EYS: variants seen among roughly 807,000 people sequenced by gnomAD.
The protein encoded by EYS is EGF-like photoreceptor maintenance factor.
In EYS, 250 loss-of-function variants were observed where a neutral mutation model predicts 282.1. The observed-to-expected ratio is 0.89, with a 90% CI of 0.80 to 0.98. The LOEUF (loss-of-function observed/expected upper bound fraction) is 0.98, where lower values mean the gene tolerates loss of function less well. Ranked by LOEUF, EYS falls within the 50% of genes least tolerant of loss-of-function variation. The probability of loss-of-function intolerance (pLI) is 0.00; values close to 1 mark genes in which losing one functional copy is unlikely to be tolerated. For synonymous variants in EYS, 1,355 were observed against 1,282.9 expected, an observed-to-expected ratio of 1.06 and a Z score of -1.20; for missense variants, 4,016 against 3,709.0, an observed-to-expected ratio of 1.08 and a Z score of -2.15.
At chr6:65,660,906 C>T (rs965858163) in intron 1 of EYS, among the ~76,000 whole-genome samples, 9 of 151,762 alleles carry the variant, frequency 5.9e-5, no homozygotes, top group Non-Finnish European at 1.0e-4. Flanking sequence ...TGCTTTAATA[C>T]TCTACTATGT....
intron 5 of EYS, among the ~76,000 whole-genome samples, chr6:65,451,341 T>A (rs1342411899): frequency 6.6e-6 from 1 of 152,082 alleles, no homozygotes; most frequent in Non-Finnish European, 1.5e-5. Flanking sequence ...CACACACAAT[T>A]TTGACCATGC....
intron 23 of EYS, 43 bp downstream of exon 23, chr6:64,626,078 A>G (rs572051275): frequency 1.9e-5 from 22 of 1,150,500 alleles, no homozygotes; most frequent in Non-Finnish European, 2.7e-5. Context: ...AAACGTATAT[A>G]TTATTATATA....
intron 30 of EYS, among the ~76,000 whole-genome samples, chr6:64,268,428 G>T (rs1368619360): frequency 1.3e-5 from 2 of 151,622 alleles, no homozygotes; most frequent in Non-Finnish European, 2.9e-5. Context: ...TAGTCTTTTG[G>T]GTAATTAAAA....
intron 2 of EYS, among the ~76,000 whole-genome samples, chr6:65,565,361 T>C (rs1184248921): frequency 6.6e-6 from 1 of 151,344 alleles, no homozygotes; most frequent in East Asian, 2.0e-4. Context: ...TCACCATCAC[T>C]GGTCATTAGA....
intron 22 of EYS, among the ~76,000 whole-genome samples, chr6:64,647,768 T>C (rs1002368977): frequency 6.6e-6 from 1 of 152,210 alleles, no homozygotes; most frequent in African/African-American, 2.4e-5. Context: ...AGGTTTTACT[T>C]CAAACGGCAT....
intron 39 of EYS, among the ~76,000 whole-genome samples, chr6:63,786,419 C>A (rs1238613697): frequency 6.6e-6 from 1 of 151,066 alleles, no homozygotes; most frequent in Non-Finnish European, 1.5e-5. Flanking sequence ...TCATTCTCAG[C>A]AAATTAACCC....
At chr6:65,182,482 C>T (rs1007652031) in intron 12 of EYS, among the ~76,000 whole-genome samples, 1 of 151,460 alleles carries the variant, frequency 6.6e-6, no homozygotes, top group Non-Finnish European at 1.5e-5. Context: ...AACATTTCTC[C>T]AAATACTTGA....
intron 29 of EYS, among the ~76,000 whole-genome samples, chr6:64,373,900 GT>G (rs931910223): frequency 6.6e-6 from 1 of 151,988 alleles, no homozygotes; most frequent in African/African-American, 2.4e-5. Context: ...CTCCAGCTGA[GT>G]TTTACAGAAG....
chr6:65,129,805 G>A lies in EYS; in HGVS notation c.2024-72078C>T, dbSNP rs546708995. Among the ~76,000 whole-genome samples, 21 of 151,934 alleles carry A rather than the reference G, an allele frequency of 1.4e-4. No homozygotes were observed. The South Asian group carries it at 3.9e-3, about 29-fold the overall frequency. On this transcript the variant is annotated intron_variant, in intron 12 of 42. Transcript: ENST00000503581. The stretch of plus-strand genomic sequence containing the variant: ...CATTTGACCCAACAGTCCCAATACT[G>A]GATATACACTCAACGGAAAATAAAT...
intron 35 of EYS, among the ~76,000 whole-genome samples, chr6:63,875,123 CTTA>C (rs1772933525): frequency 1.3e-5 from 2 of 152,066 alleles, no homozygotes; most frequent in Admixed American, 1.3e-4. Flanking sequence ...ATAAATAGCT[CTTA>C]TTATTTTGAG....
intron 31 of EYS, among the ~76,000 whole-genome samples, chr6:64,226,710 A>T (rs1287230448): frequency 6.6e-6 from 1 of 152,146 alleles, no homozygotes; most frequent in Non-Finnish European, 1.5e-5. Flanking sequence ...TGAAGAAAAA[A>T]AGAGCATATT....
chr6:63,963,009 G>A (rs1435480113), intron 35 of EYS, among the ~76,000 whole-genome samples: 1 of 150,434 alleles, frequency 6.6e-6, no homozygotes, highest in Non-Finnish European at 1.5e-5. Context: ...TATTGCAAGT[G>A]CAAAAAACCA....
intron 28 of EYS, among the ~76,000 whole-genome samples, chr6:64,393,582 C>CT (rs1773241263): frequency 1.3e-5 from 2 of 151,982 alleles, no homozygotes; most frequent in African/African-American, 2.4e-5. Flanking sequence ...AATTCAACAA[C>CT]CCTTCATGCT....
intron 22 of EYS, among the ~76,000 whole-genome samples, chr6:64,724,019 G>A (rs1476144565): frequency 1.3e-5 from 2 of 152,030 alleles, no homozygotes; most frequent in African/African-American, 4.8e-5. Flanking sequence ...ATCAATCACA[G>A]AGGATTTGTT....
intron 30 of EYS, among the ~76,000 whole-genome samples, chr6:64,292,054 G>C (rs1453495775): frequency 6.6e-6 from 1 of 152,064 alleles, no homozygotes; most frequent in Non-Finnish European, 1.5e-5. Flanking sequence ...GTACAGAGAG[G>C]TTAAGTAATT....
intron 26 of EYS, among the ~76,000 whole-genome samples, chr6:64,525,973 C>T (rs1442744249): frequency 6.6e-6 from 1 of 151,688 alleles, no homozygotes; most frequent in African/African-American, 2.4e-5. Flanking sequence ...AAAAAAACCT[C>T]TAATATCATC....
chr6:64,285,040 G>A (rs1315926841), intron 30 of EYS, among the ~76,000 whole-genome samples: 1 of 152,146 alleles, frequency 6.6e-6, no homozygotes, highest in Non-Finnish European at 1.5e-5. Flanking sequence ...TGTCACTTAT[G>A]CAAATACCTG....
intron 29 of EYS, among the ~76,000 whole-genome samples, chr6:64,308,351 G>A (rs1028415771): frequency 3.3e-5 from 5 of 151,960 alleles, no homozygotes; most frequent in African/African-American, 1.2e-4. Flanking sequence ...TAATCATTAC[G>A]AGCATACAAT....
intron 26 of EYS, among the ~76,000 whole-genome samples, chr6:64,561,382 A>C (rs1765389974): frequency 6.6e-6 from 1 of 152,148 alleles, no homozygotes; most frequent in African/African-American, 2.4e-5. Context: ...AGAAAGTCAA[A>C]CTATCTCTGT....
Sources: allele counts gnomAD v4.1 joint callset (sites outside exome capture counted in the v4.1 genomes callset), GRCh38; gene constraint gnomAD v4.1.1; transcripts MANE v1.5; gene names NCBI Gene and HGNC (gene_info 2026-07-23, HGNC 2026-07-21).